Variants in TCERG1L observed in about 807,000 individuals in gnomAD.
TCERG1L encodes transcription elongation regulator 1 like, also known as transcription elongation regulator 1-like protein.
Under a neutral mutation model 56.3 loss-of-function variants are expected in TCERG1L, and 37 were observed. That is an observed-to-expected ratio of 0.66 (90% confidence interval 0.51 to 0.87). The LOEUF (loss-of-function observed/expected upper bound fraction) is 0.87. Ranked by LOEUF, TCERG1L falls within the 40% of genes least tolerant of loss-of-function variation. The pLI is 0.00. For synonymous variants in TCERG1L, 324 were observed against 326.3 expected, an observed-to-expected ratio of 0.99 and a Z score of 0.08; for missense variants, 799 against 774.2, an observed-to-expected ratio of 1.03 and a Z score of -0.38.
chr10:131,194,232 G>T (rs553480405), intron 4 of TCERG1L, among the ~76,000 whole-genome samples: 1 of 152,348 alleles, frequency 6.6e-6, no homozygotes, highest in South Asian at 2.1e-4. Context: ...ACTGTTCTTG[G>T]CGGTGCAGAG....
intron 3 of TCERG1L, among the ~76,000 whole-genome samples, chr10:131,298,713 C>T (rs1329037697): frequency 6.6e-6 from 1 of 152,162 alleles, no homozygotes; most frequent in Non-Finnish European, 1.5e-5. Flanking sequence ...GGCGTCCAGC[C>T]CTACTTTTAA....
intron 4 of TCERG1L, among the ~76,000 whole-genome samples, chr10:131,189,089 AC>A (rs1227975098): frequency 6.6e-6 from 1 of 152,132 alleles, no homozygotes; most frequent in Non-Finnish European, 1.5e-5. Flanking sequence ...CATTCATTAA[AC>A]CCACCCCATA....
chr10:131,296,734 C>A (rs1444523865), intron 3 of TCERG1L, among the ~76,000 whole-genome samples: 1 of 152,178 alleles, frequency 6.6e-6, no homozygotes, highest in Non-Finnish European at 1.5e-5. Flanking sequence ...CATTATTGAG[C>A]CTTCCAGTCT....
At chr10:131,142,083 C>T (rs1179330937) in intron 7 of TCERG1L, among the ~76,000 whole-genome samples, 2 of 152,220 alleles carry the variant, frequency 1.3e-5, no homozygotes, top group East Asian at 1.9e-4. Flanking sequence ...ACAAAGTGGG[C>T]ACTACAATGG....
intron 4 of TCERG1L, among the ~76,000 whole-genome samples, chr10:131,240,079 TG>T (rs1283973671): frequency 1.3e-5 from 2 of 152,204 alleles, no homozygotes; most frequent in Non-Finnish European, 2.9e-5. Context: ...GTCCCTGTGG[TG>T]GGACACGACC....
chr10:131,190,551 C>G (rs562246829), intron 4 of TCERG1L, among the ~76,000 whole-genome samples: 5 of 144,232 alleles, frequency 3.5e-5, no homozygotes, highest in African/African-American at 1.3e-4. Flanking sequence ...TCCAACAGCA[C>G]ATCAAAAATA....
At chr10:131,216,802 C>A (rs758586655) in intron 4 of TCERG1L, among the ~76,000 whole-genome samples, 5 of 152,216 alleles carry the variant, frequency 3.3e-5, no homozygotes, top group East Asian at 3.9e-4. Flanking sequence ...GGGGTGCACA[C>A]AGGCATCGGA....
chr10:131,166,097 C>T (rs2133435064), intron 5 of TCERG1L, among the ~76,000 whole-genome samples: 1 of 152,302 alleles, frequency 6.6e-6, no homozygotes, highest in Non-Finnish European at 1.5e-5. Context: ...GAGACGTGAA[C>T]AACAGGGTGA....
Position 131,260,835 on chromosome 10 carries a change from C to CAGG in TCERG1L, c.671-394_671-392dup, listed in dbSNP as rs1407467991. Among the ~76,000 whole-genome samples, 1 of 152,158 alleles carries CAGG rather than the reference C, an allele frequency of 6.6e-6. No individual in the cohort carries two copies. The highest frequency in any genetic ancestry group is 1.5e-5 in the Non-Finnish European group (1 of 68,036). ...TTTGGAGCAGAAACCGGTGAAGGCC[C>CAGG]AGGAGTGCCACATAAAAAAGTGGGG... On this transcript the variant is annotated intron_variant, in intron 3 of 11. Transcript: ENST00000368642. This position sits in a 1 kb window ranked among gnomAD's most constrained non-coding sequence, Gnocchi z 5.8.
intron 3 of TCERG1L, among the ~76,000 whole-genome samples, chr10:131,305,159 C>T (rs1589779018): frequency 6.6e-6 from 1 of 152,098 alleles, no homozygotes; most frequent in South Asian, 2.1e-4. Flanking sequence ...TTGCATTTCT[C>T]CCCCAGGTCA....
At chr10:131,305,102 TC>T (rs1846806525) in intron 3 of TCERG1L, among the ~76,000 whole-genome samples, 1 of 152,054 alleles carries the variant, frequency 6.6e-6, no homozygotes, top group African/African-American at 2.4e-5. Context: ...TCCCTGAGGA[TC>T]CCCCGCTAAG....
At chr10:131,238,277 A>G (rs1445197215) in intron 4 of TCERG1L, among the ~76,000 whole-genome samples, 2 of 152,210 alleles carry the variant, frequency 1.3e-5, no homozygotes, top group Non-Finnish European at 2.9e-5. Context: ...ACACACAGTG[A>G]TGGTCGTTCC....
chr10:131,238,583 T>C (rs568081228), intron 4 of TCERG1L, among the ~76,000 whole-genome samples: 300 of 152,290 alleles, frequency 2.0e-3, no homozygotes, highest in Non-Finnish European at 3.5e-3. Context: ...TGCTTTCCTA[T>C]TGGGAACCTT....
intron 4 of TCERG1L, among the ~76,000 whole-genome samples, chr10:131,169,427 C>T (rs1488507287): frequency 6.6e-6 from 1 of 152,182 alleles, no homozygotes; most frequent in Non-Finnish European, 1.5e-5. Flanking sequence ...CTCACAGACC[C>T]AACGCAAAGC....
At chr10:131,137,100 A>G (rs1339050829) in intron 7 of TCERG1L, among the ~76,000 whole-genome samples, 9 of 152,044 alleles carry the variant, frequency 5.9e-5, no homozygotes, top group East Asian at 2.0e-4. Flanking sequence ...CGATTGTGCC[A>G]CTGCACTCCA....
intron 3 of TCERG1L, among the ~76,000 whole-genome samples, chr10:131,304,710 G>A (rs1405465801): frequency 2.0e-5 from 3 of 152,128 alleles, no homozygotes; most frequent in Non-Finnish European, 2.9e-5. Flanking sequence ...TTCCAGTGCA[G>A]GTGTAATTAT....
At chr10:131,298,602 C>G (rs1193149196) in intron 3 of TCERG1L, among the ~76,000 whole-genome samples, 1 of 152,136 alleles carries the variant, frequency 6.6e-6, no homozygotes, top group African/African-American at 2.4e-5. Context: ...TTAGTAGAGA[C>G]AGGGTTTTGC....
chr10:131,157,379 T>C (rs999664398), intron 6 of TCERG1L, among the ~76,000 whole-genome samples: 1 of 152,234 alleles, frequency 6.6e-6, no homozygotes, highest in African/African-American at 2.4e-5. Flanking sequence ...CTCGTAAATC[T>C]ATAGTATTTT....
chr10:131,202,286 G>A lies in TCERG1L; in HGVS notation c.857-35401C>T, dbSNP rs1845447163. Reference sequence around the variant, plus strand: ...CGTGGGGTACCACAAAAGCTGGTAAGGCCGGAACTTTTTCGCCGGGCGCGG... The same window carrying A: ...CGTGGGGTACCACAAAAGCTGGTAAAGCCGGAACTTTTTCGCCGGGCGCGG... On this transcript the variant is annotated intron_variant, in intron 4 of 11. Transcript: ENST00000368642. Among the ~76,000 whole-genome samples the A allele has an allele frequency of 3.3e-5, 5 of 152,298 alleles. No homozygotes were observed. The South Asian group carries it at 1.0e-3, about 32-fold the overall frequency.
Sources: allele counts gnomAD v4.1 joint callset (sites outside exome capture counted in the v4.1 genomes callset), GRCh38; gene constraint gnomAD v4.1.1; non-coding constraint Gnocchi (gnomAD v3.1); transcripts MANE v1.5; gene names NCBI Gene and HGNC (gene_info 2026-07-23, HGNC 2026-07-21).